DPYSL5: variants seen among roughly 807,000 people sequenced by gnomAD.
DPYSL5 encodes the protein dihydropyrimidinase-related protein 5.
Under a neutral mutation model 58.4 loss-of-function variants are expected in DPYSL5, and 9 were observed. The ratio of observed to expected loss-of-function variants is 0.15; its 90% CI spans 0.09 to 0.27. The LOEUF (loss-of-function observed/expected upper bound fraction) is 0.27. Ranked by LOEUF, DPYSL5 falls within the 10% of genes least tolerant of loss-of-function variation. The probability of loss-of-function intolerance (pLI) is 1.00; values close to 1 mark genes in which losing one functional copy is unlikely to be tolerated. For synonymous variants in DPYSL5, 293 were observed against 301.9 expected (o/e 0.97, Z 0.31); for missense variants, 499 against 770.6 (o/e 0.65, Z 4.17).
intron 5 of DPYSL5, among the ~76,000 whole-genome samples, chr2:26,929,775 T>C (rs1310658462): frequency 1.3e-5 from 2 of 152,248 alleles, no homozygotes; most frequent in Non-Finnish European, 2.9e-5. Flanking sequence ...GCCCTCTGGC[T>C]TTATCCCTGT....
chr2:26,912,269 G>C lies in DPYSL5; in HGVS notation c.262-12618G>C, dbSNP rs553827227. Among the ~76,000 whole-genome samples the C allele has an allele frequency of 8.5e-4, 130 of 152,348 alleles. 2 individuals are homozygous for C. The highest frequency in any genetic ancestry group is 3.0e-3 in the African/African-American group (125 of 41,594). ...TAATAAGGGCAGGGCAGGCCTGTCT[G>C]CCGCCCATTGACTCACAGCCCCCGT... On this transcript the variant is annotated intron_variant, in intron 2 of 12. Transcript: ENST00000288699.
intron 1 of DPYSL5, among the ~76,000 whole-genome samples, chr2:26,883,079 A>C (rs918826952): frequency 6.6e-6 from 1 of 152,076 alleles, no homozygotes; most frequent in African/African-American, 2.4e-5. Context: ...ATGTTTTTTT[A>C]AAGTTTTAAA....
chr2:26,882,309 G>A (rs1229682365), intron 1 of DPYSL5, among the ~76,000 whole-genome samples: 1 of 152,030 alleles, frequency 6.6e-6, no homozygotes, highest in Non-Finnish European at 1.5e-5. Flanking sequence ...TCAGTGGCAT[G>A]ATCACAGCTC....
chr2:26,884,125 G>A (rs147391207), intron 1 of DPYSL5, among the ~76,000 whole-genome samples: 237 of 152,358 alleles, frequency 1.6e-3, no homozygotes, highest in African/African-American at 5.6e-3. Context: ...AGCACGGGAA[G>A]CACAGCAGGG....
chr2:26,856,033 A>G (rs1665869139), intron 1 of DPYSL5, among the ~76,000 whole-genome samples: 1 of 152,196 alleles, frequency 6.6e-6, no homozygotes, highest in Non-Finnish European at 1.5e-5. Context: ...CAATACACAT[A>G]CATGAAACAG....
At chr2:26,861,055 G>A (rs573664120) in intron 1 of DPYSL5, among the ~76,000 whole-genome samples, 1 of 152,200 alleles carries the variant, frequency 6.6e-6, no homozygotes, top group African/African-American at 2.4e-5. Context: ...CTTGAGGAGG[G>A]TGAAGTTCTT....
At chr2:26,895,544 T>C (rs543887017) in intron 1 of DPYSL5, among the ~76,000 whole-genome samples, 1 of 152,290 alleles carries the variant, frequency 6.6e-6, no homozygotes, top group East Asian at 1.9e-4. Context: ...TCCAGTTAAT[T>C]AATAGATGAA....
At chr2:26,888,213 C>T (rs577608065) in intron 1 of DPYSL5, among the ~76,000 whole-genome samples, 2 of 74,370 alleles carry the variant, frequency 2.7e-5, no homozygotes, top group African/African-American at 1.0e-4. Context: ...CCTTTCTTTT[C>T]TTTCTTTCTT....
rs557518248 is a variant in DPYSL5, at chr2:26,938,048, A to T, written c.948-1983A>T. 6.6e-5 allele frequency among the ~76,000 whole-genome samples: 10 copies of T among 152,240 alleles called. No homozygotes were observed. The East Asian group carries it at 1.9e-3, about 29-fold the overall frequency. On this transcript the variant is annotated intron_variant, in intron 8 of 12. Coordinates refer to ENST00000288699, the MANE Select transcript of DPYSL5 (RefSeq NM_020134.4). ...AAGGGACAAGAAATTTTTTCATTTG[A>T]TCATATAAAATGTTACAGTGCTTAG...
intron 2 of DPYSL5, among the ~76,000 whole-genome samples, chr2:26,923,277 G>A (rs899671874): frequency 6.6e-6 from 1 of 152,184 alleles, no homozygotes; most frequent in Admixed American, 6.5e-5. Context: ...GCTGCAGTGT[G>A]CTATGATTGC....
intron 2 of DPYSL5, among the ~76,000 whole-genome samples, chr2:26,913,952 T>TAAAAAAA (rs71401539): frequency 1.5e-5 from 2 of 132,314 alleles, no homozygotes; most frequent in Non-Finnish European, 1.6e-5. Flanking sequence ...TTCCAAAATG[T>TAAAAAAA]AAAAAAAAAA....
intron 1 of DPYSL5, among the ~76,000 whole-genome samples, chr2:26,893,109 T>C (rs1663930060): frequency 6.6e-6 from 1 of 152,242 alleles, no homozygotes; most frequent in African/African-American, 2.4e-5. Context: ...CAGATGTTCC[T>C]GGAGTACAGT....
chr2:26,925,137 G>T lies in DPYSL5; in HGVS notation c.420+92G>T. 1 of 1,491,454 alleles carries T rather than the reference G, an allele frequency of 6.7e-7. No individual in the cohort carries two copies. The highest frequency in any genetic ancestry group is 2.3e-5 in the East Asian group (1 of 43,084). The allele number at this position is 1,491,454 out of a possible 1,614,324, so 92.4% of individuals were successfully genotyped here. A position where few individuals can be genotyped will look rare whatever the true frequency, so the allele number is the denominator to read the frequency against. ...GTGCAGTGCCTCCTGCTTGTGTGGG[G>T]CACCCCTCCCACTACCATCCTAGCT... is the stretch of plus-strand genomic sequence containing the variant. On this transcript the variant is annotated intron_variant, in intron 3 of 12. Transcript: ENST00000288699. This position sits in a 1 kb window ranked among gnomAD's most constrained non-coding sequence, Gnocchi z 4.5.
intron 8 of DPYSL5, chr2:26,939,739 C>A (rs950535355): frequency 3.0e-6 from 1 of 336,000 alleles, no homozygotes; most frequent in Non-Finnish European, 5.6e-6. Context: ...CAGCTAGACT[C>A]TAAGTTCGGC....
intron 1 of DPYSL5, among the ~76,000 whole-genome samples, chr2:26,882,672 G>A (rs1663604919): frequency 6.6e-6 from 1 of 152,110 alleles, no homozygotes; most frequent in African/African-American, 2.4e-5. Flanking sequence ...AGGCCAAGGT[G>A]GGTGGATCAC....
intron 2 of DPYSL5, among the ~76,000 whole-genome samples, chr2:26,903,439 A>T (rs1664211193): frequency 6.6e-6 from 1 of 152,044 alleles, no homozygotes; most frequent in Admixed American, 6.6e-5. Context: ...CTGGATAGGG[A>T]CCCCTTTCCT....
At chr2:26,875,132 T>C (rs1663376845) in intron 1 of DPYSL5, among the ~76,000 whole-genome samples, 1 of 152,214 alleles carries the variant, frequency 6.6e-6, no homozygotes, top group Non-Finnish European at 1.5e-5. Context: ...CCTCCAGTTC[T>C]CAGAAAAGCA....
At chr2:26,893,172 C>A (rs1443139440) in intron 1 of DPYSL5, among the ~76,000 whole-genome samples, 1 of 152,234 alleles carries the variant, frequency 6.6e-6, no homozygotes, top group Non-Finnish European at 1.5e-5. Flanking sequence ...GGCAGCAGCC[C>A]CCAAGGGCCA....
chr2:26,869,867 C>T (rs998825277), intron 1 of DPYSL5, among the ~76,000 whole-genome samples: 4 of 152,098 alleles, frequency 2.6e-5, no homozygotes, highest in South Asian at 2.1e-4. Context: ...AAAAATCAGC[C>T]GGGCGTGGTC....
Sources: allele counts gnomAD v4.1 joint callset (sites outside exome capture counted in the v4.1 genomes callset), GRCh38; gene constraint gnomAD v4.1.1; non-coding constraint Gnocchi (gnomAD v3.1); transcripts MANE v1.5; gene names NCBI Gene and HGNC (gene_info 2026-07-23, HGNC 2026-07-21).